Variants in EPS8 observed in about 807,000 individuals in gnomAD.
The protein encoded by EPS8 is epidermal growth factor receptor kinase substrate 8.
In EPS8, 42 loss-of-function variants were observed where a neutral mutation model predicts 103.8. The observed-to-expected ratio is 0.40, with a 90% confidence interval of 0.32 to 0.52. EPS8 has a LOEUF of 0.52. Among genes scored for constraint, EPS8 ranks in the 20% least tolerant of loss-of-function variants. The pLI is 0.40. For synonymous variants in EPS8, 344 were observed against 344.6 expected (o/e 1.00, Z 0.02); for missense variants, 969 against 1,005.1 (o/e 0.96, Z 0.49).
rs1946735539 is a variant in EPS8, at chr12:15,733,155, T to G, written c.-21-50183A>C. On this transcript the variant is annotated intron_variant, in intron 1 of 20. Transcript: ENST00000281172. This position sits in a 1 kb window ranked among gnomAD's most constrained non-coding sequence, Gnocchi z 4.8. ...AAGATACTACACAAGATTGGGTAATTTATAAAGGAAAGAGGTTTAATTGAC... is the reference window on the plus strand; with the variant it reads ...AAGATACTACACAAGATTGGGTAATGTATAAAGGAAAGAGGTTTAATTGAC... 6.6e-6 allele frequency among the ~76,000 whole-genome samples: 1 copy of G among 152,134 alleles called. No homozygotes were observed. Among genetic ancestry groups the G allele is most frequent in the Non-Finnish European group, 1.5e-5 (1 of 68,034 alleles).
At position 15,747,802 on chromosome 12, in the gene EPS8, C is replaced by T. The variant is rs971956761; in HGVS notation, c.-22+41359G>A. Among the ~76,000 whole-genome samples, 6 of 152,084 alleles carry T rather than the reference C, an allele frequency of 3.9e-5. No homozygotes were observed. The highest frequency in any genetic ancestry group is 2.0e-4 in the Admixed American group (3 of 15,262). On this transcript the variant is annotated intron_variant, in intron 1 of 20. Coordinates refer to ENST00000281172, the MANE Select transcript of EPS8 (RefSeq NM_004447.6). The surrounding 1 kb of genome is among the most constrained non-coding windows in gnomAD (Gnocchi z 4.4). ...TTGGGAGGCCGAGGTGGGCGGATCACGAGGTCAGGAGATCGAGACCATCCT... is the reference window on the plus strand; with the variant it reads ...TTGGGAGGCCGAGGTGGGCGGATCATGAGGTCAGGAGATCGAGACCATCCT...
chr12:15,667,364 A>G (rs774307134), intron 6 of EPS8, among the ~76,000 whole-genome samples: 4 of 152,168 alleles, frequency 2.6e-5, no homozygotes, highest in Admixed American at 6.5e-5. Context: ...GAGTACTTGT[A>G]TAAAAGGGCC....
At position 15,624,393 on chromosome 12, in the gene EPS8, T is replaced by C; in HGVS notation, c.2059A>G (p.Met687Val). 2 of 1,564,466 alleles carry C rather than the reference T, an allele frequency of 1.3e-6. No individual in the cohort carries two copies. The highest frequency in any genetic ancestry group is 3.7e-5 in the Admixed American group (2 of 54,460). The change falls in exon 19 of 21, where the codon ATG (methionine) becomes GTG (valine). Residue 687 changes from methionine to valine, a missense_variant. Met to Val is a conservative substitution (Grantham distance 21, BLOSUM62 1). Coordinates refer to ENST00000281172, the MANE Select transcript of EPS8 (RefSeq NM_004447.6). Reference protein sequence around the residue: ...QLPVDRRKSQMEEVQDELIHR... With the variant: ...QLPVDRRKSQVEEVQDELIHR... ...ATGAGTTCATCTTGCACTTCCTCCA[T>C]CTGAGATTTCCTTCCTAGACACCAA...
At chr12:15,703,325 G>GC in intron 1 of EPS8, among the ~76,000 whole-genome samples, 1 of 152,248 alleles carries the variant, frequency 6.6e-6, no homozygotes, top group Non-Finnish European at 1.5e-5. Context: ...TAATTACAAT[G>GC]CATTTTAGTA....
chr12:15,660,841 C>G (rs1201835219), intron 9 of EPS8, 101 bp from the exon 10 acceptor site: 2 of 642,480 alleles, frequency 3.1e-6, no homozygotes, highest in Non-Finnish European at 2.6e-6. Flanking sequence ...GAAAAGGAAG[C>G]AGCCCACATG....
rs1182200114 is a variant in EPS8 at position 15,772,278 on chromosome 12, G to A, written c.-22+16883C>T. Among the ~76,000 whole-genome samples, 4 of 152,086 alleles carry A rather than the reference G, an allele frequency of 2.6e-5. No homozygotes were observed. The highest frequency in any genetic ancestry group is 5.9e-5 in the Non-Finnish European group (4 of 68,014). Reference sequence around the variant, plus strand: ...AAGAGATGAGGGGGCCAGAGTAAAAGCAAGAAATTAATTTTGGGAAATGTG... The same window carrying A: ...AAGAGATGAGGGGGCCAGAGTAAAAACAAGAAATTAATTTTGGGAAATGTG... On this transcript the variant is annotated intron_variant, in intron 1 of 20. Coordinates refer to ENST00000281172, the MANE Select transcript of EPS8 (RefSeq NM_004447.6). The surrounding 1 kb of genome is among the most constrained non-coding windows in gnomAD (Gnocchi z 5.0).
At position 15,772,472 on chromosome 12, in the gene EPS8, A is replaced by G. The variant is rs1161597213; in HGVS notation, c.-22+16689T>C. Among the ~76,000 whole-genome samples, 1 of 152,210 alleles carries G rather than the reference A, an allele frequency of 6.6e-6. No individual in the cohort carries two copies. The highest frequency in any genetic ancestry group is 2.4e-5 in the African/African-American group (1 of 41,454). On this transcript the variant is annotated intron_variant, in intron 1 of 20. Coordinates refer to ENST00000281172, the MANE Select transcript of EPS8 (RefSeq NM_004447.6). This position sits in a 1 kb window ranked among gnomAD's most constrained non-coding sequence, Gnocchi z 5.0. ...AACATGAAATGAGATGAAGGCTAAGAAAATAATTCCAGAAAATCCAGAAAC... is the reference window on the plus strand; with the variant it reads ...AACATGAAATGAGATGAAGGCTAAGGAAATAATTCCAGAAAATCCAGAAAC...
intron 6 of EPS8, 126 bp from the exon 7 acceptor site, chr12:15,666,648 TATAA>T: frequency 1.5e-6 from 1 of 646,806 alleles, no homozygotes; most frequent in Non-Finnish European, 2.6e-6. Context: ...AAAGTCTTTT[TATAA>T]AAATCTTGCA....
chr12:15,705,774 T>C (rs539459825), intron 1 of EPS8, among the ~76,000 whole-genome samples: 54 of 152,202 alleles, frequency 3.5e-4, no homozygotes, highest in Non-Finnish European at 5.7e-4. Context: ...ATTGTTTTCC[T>C]CACTGTTCAA....
chr12:15,704,303 A>C lies in EPS8; in HGVS notation c.-21-21331T>G, dbSNP rs2135943782. ...TGCTCATATCAACATTATTCACGAGAGCCAAAAGGTAGATGCAACCCAAGT... is the reference window on the plus strand; with the variant it reads ...TGCTCATATCAACATTATTCACGAGCGCCAAAAGGTAGATGCAACCCAAGT... On this transcript the variant is annotated intron_variant, in intron 1 of 20. Transcript: ENST00000281172. The surrounding 1 kb of genome is among the most constrained non-coding windows in gnomAD (Gnocchi z 4.6). 6.6e-6 allele frequency among the ~76,000 whole-genome samples: 1 copy of C among 152,300 alleles called. No individual in the cohort carries two copies. The highest frequency in any genetic ancestry group is 2.4e-5 in the African/African-American group (1 of 41,560).
intron 1 of EPS8, among the ~76,000 whole-genome samples, chr12:15,711,212 T>TA (rs1946458957): frequency 2.0e-5 from 3 of 152,170 alleles, no homozygotes; most frequent in Admixed American, 2.0e-4. Flanking sequence ...GCCAAAAGTC[T>TA]AAAGTGTAAT....
chr12:15,739,499 T>C (rs986732215), intron 1 of EPS8, among the ~76,000 whole-genome samples: 6 of 152,144 alleles, frequency 3.9e-5, no homozygotes, highest in Non-Finnish European at 7.4e-5. Flanking sequence ...GGGGACCAGA[T>C]GGAACAAAAA....
At chr12:15,646,854 T>C (rs1286316562) in intron 15 of EPS8, among the ~76,000 whole-genome samples, 1 of 152,236 alleles carries the variant, frequency 6.6e-6, no homozygotes, top group Non-Finnish European at 1.5e-5. Flanking sequence ...GACAATTCTT[T>C]CTTCTTAATG....
intron 3 of EPS8, chr12:15,672,619 A>T: frequency 3.9e-5 from 15 of 379,788 alleles, no homozygotes; most frequent in Middle Eastern, 6.8e-4. Flanking sequence ...ATTTTTAAAA[A>T]GTGAGCGACT....
intron 1 of EPS8, among the ~76,000 whole-genome samples, chr12:15,703,645 T>C (rs187103663): frequency 6.6e-6 from 1 of 150,920 alleles, no homozygotes; most frequent in Non-Finnish European, 1.5e-5. Context: ...GAATTTGGAC[T>C]TAATCTTTTA....
At position 15,643,740 on chromosome 12, in the gene EPS8, GAAAAAAAAA is replaced by G. The variant is rs56952348; in HGVS notation, c.1569-1919_1569-1911del. ...GGCGACAAGAGCAAAACTCTGTCTC[GAAAAAAAAA>G]AAAAAAAAAAAAAGAGGTACCAAAG... On this transcript the variant is annotated intron_variant, in intron 15 of 20. Transcript: ENST00000281172. Among the ~76,000 whole-genome samples the G allele has an allele frequency of 1.8e-4, 14 of 76,960 alleles. No individual in the cohort carries two copies. The South Asian group carries it at 5.3e-3, about 29-fold the overall frequency. 50.5% of individuals were successfully genotyped at this position (76,960 alleles called of 152,430 possible). A position where few individuals can be genotyped will look rare whatever the true frequency, so the allele number is the denominator to read the frequency against.
chr12:15,676,043 C>A (rs549375743), intron 3 of EPS8, among the ~76,000 whole-genome samples: 1 of 152,084 alleles, frequency 6.6e-6, no homozygotes, highest in African/African-American at 2.4e-5. Context: ...GAGACGGAGG[C>A]GGGCAGATCT....
In EPS8 at chr12:15,787,395, CAAAAT is replaced by C. The variant is rs1023049194; in HGVS notation, c.-22+1761_-22+1765del. Among the ~76,000 whole-genome samples, 31 of 152,140 alleles carry C rather than the reference CAAAAT, an allele frequency of 2.0e-4. No homozygotes were observed. Among genetic ancestry groups the C allele is most frequent in the African/African-American group, 7.0e-4 (29 of 41,540 alleles). On this transcript the variant is annotated intron_variant, in intron 1 of 20. Coordinates refer to ENST00000281172, the MANE Select transcript of EPS8 (RefSeq NM_004447.6). This position sits in a 1 kb window ranked among gnomAD's most constrained non-coding sequence, Gnocchi z 4.9. ...AGCAGGAAAAAGCTAGAAATAAAAA[CAAAAT>C]AAATCTTTAAGTTTGATCACAAACA...
chr12:15,669,195 C>T (rs888569294), intron 6 of EPS8, among the ~76,000 whole-genome samples, 192 bp downstream of exon 6: 6 of 152,204 alleles, frequency 3.9e-5, no homozygotes, highest in African/African-American at 9.7e-5. Context: ...ATTTGATTAA[C>T]ATCACCCTAA....
Sources: gnomAD v4.1 joint callset for allele counts (sites outside exome capture counted in the v4.1 genomes callset) on GRCh38, gnomAD v4.1.1 for gene constraint, Gnocchi (gnomAD v3.1) non-coding constraint, MANE v1.5 for transcripts, NCBI Gene and HGNC (gene_info 2026-07-23, HGNC 2026-07-21) for gene names.